PDE3A: variants seen among roughly 807,000 people sequenced by gnomAD.
PDE3A encodes the protein cGMP-inhibited 3',5'-cyclic phosphodiesterase 3A.
A neutral mutation model predicts 98.3 loss-of-function variants in PDE3A; 43 were observed. The ratio of observed to expected loss-of-function variants is 0.44; its 90% CI spans 0.34 to 0.56. PDE3A has a LOEUF of 0.56. Among genes scored for constraint, PDE3A ranks in the 20% least tolerant of loss-of-function variants. PDE3A has a pLI of 0.01. For missense variants in PDE3A, 1,427 were observed against 1,440.7 expected (o/e 0.99, Z 0.15); for synonymous variants, 663 against 567.9 (o/e 1.17, Z -2.38).
chr12:20,654,112 G>C lies in PDE3A; in HGVS notation c.3091G>C (p.Asp1031His), dbSNP rs981183689. 1.1e-5 allele frequency: 18 copies of C among 1,614,064 alleles called. No individual in the cohort carries two copies. Among genetic ancestry groups the C allele is most frequent in the Non-Finnish European group, 1.5e-5 (18 of 1,179,944 alleles). The change falls in exon 15 of 16, where the codon GAT (aspartate) becomes CAT (histidine). Residue 1031 changes from aspartate (D) to histidine (H), a missense_variant. Asp to His is a moderately conservative substitution (Grantham distance 81, BLOSUM62 -1). Transcript: ENST00000359062. ...GCCTGGAAAATGGGTGGAAGACAGC[G>C]ATGAGTCAGGAGATACTGATGACCC... ...LMPGKWVEDS[D>H]ESGDTDDPEE... is the part of the protein sequence containing the mutation.
chr12:20,600,283 T>C (rs1224768514), intron 2 of PDE3A, among the ~76,000 whole-genome samples: 2 of 152,168 alleles, frequency 1.3e-5, no homozygotes, highest in Non-Finnish European at 2.9e-5. Context: ...TCCAAACTGA[T>C]TCCTTCTCTT....
chr12:20,657,424 A>G (rs1263477726), intron 15 of PDE3A, among the ~76,000 whole-genome samples: 1 of 152,192 alleles, frequency 6.6e-6, no homozygotes, highest in Non-Finnish European at 1.5e-5. Context: ...TCAGAAAAAA[A>G]TAAATATGCA....
At chr12:20,525,064 G>A (rs1216369334) in intron 1 of PDE3A, among the ~76,000 whole-genome samples, 5 of 152,068 alleles carry the variant, frequency 3.3e-5, no homozygotes, top group Non-Finnish European at 4.4e-5. Flanking sequence ...CCCAGGAGGC[G>A]GAGGTTGTGG....
At chr12:20,634,390 G>A (rs1432068338) in intron 7 of PDE3A, among the ~76,000 whole-genome samples, 2 of 152,050 alleles carry the variant, frequency 1.3e-5, no homozygotes, top group African/African-American at 2.4e-5. Flanking sequence ...CTGAAATGGC[G>A]ACAGTGAAGA....
chr12:20,448,751 G>GTTTTTTTTTTTTTTTTTTTTTTTTTT, intron 1 of PDE3A, among the ~76,000 whole-genome samples: 1 of 134,328 alleles, frequency 7.4e-6, no homozygotes. Context: ...TTTATTTTAA[G>GTTTTTTTTTTTTTTTTTTTTTTTTTT]GTTTTTTTTT....
intron 1 of PDE3A, among the ~76,000 whole-genome samples, chr12:20,454,342 A>G (rs1945118479): frequency 6.6e-6 from 1 of 152,020 alleles, no homozygotes; most frequent in African/African-American, 2.4e-5. Context: ...GTCTTTACCT[A>G]ACTGTATTTT....
intron 1 of PDE3A, among the ~76,000 whole-genome samples, chr12:20,520,268 A>T (rs966705940): frequency 6.6e-6 from 1 of 152,192 alleles, no homozygotes; most frequent in African/African-American, 2.4e-5. Context: ...TCTGTAAGTA[A>T]TGTGGAGCCC....
chr12:20,637,468 AGTAGGTG>A (rs1944543737), intron 9 of PDE3A, among the ~76,000 whole-genome samples: 1 of 149,194 alleles, frequency 6.7e-6, no homozygotes, highest in African/African-American at 2.4e-5. Flanking sequence ...TTAAAGACAA[AGTAGGTG>A]GGGATAGAGA....
chr12:20,424,485 A>G (rs972038630), intron 1 of PDE3A, among the ~76,000 whole-genome samples: 2 of 152,188 alleles, frequency 1.3e-5, no homozygotes, highest in Non-Finnish European at 2.9e-5. Flanking sequence ...ATTTAAACAT[A>G]TGTTCAGGAT....
intron 1 of PDE3A, among the ~76,000 whole-genome samples, chr12:20,542,740 G>T (rs146330258): frequency 2.1e-4 from 32 of 151,980 alleles, no homozygotes; most frequent in Non-Finnish European, 3.4e-4. Flanking sequence ...ATTTTCCCTA[G>T]GATTTCCAAT....
chr12:20,635,587 AAAAAG>A lies in PDE3A; in HGVS notation c.2001+535_2001+539del, dbSNP rs1289356336. Among the ~76,000 whole-genome samples the A allele has an allele frequency of 2.1e-3, 318 of 149,866 alleles. 4 individuals are homozygous for A. The highest frequency in any genetic ancestry group is 7.4e-3 in the African/African-American group (305 of 41,022). ...AGGGAGACTCTGTCTCAAAAAAAAAAAAAAGAAAGAAAGAAATTACCCAGGCATGG... is the reference window on the plus strand; with the variant it reads ...AGGGAGACTCTGTCTCAAAAAAAAAAAAAGAAAGAAATTACCCAGGCATGG... On this transcript the variant is annotated intron_variant, in intron 8 of 15. Transcript: ENST00000359062.
At chr12:20,638,528 T>C (rs1027117805) in intron 9 of PDE3A, among the ~76,000 whole-genome samples, 2 of 152,150 alleles carry the variant, frequency 1.3e-5, no homozygotes, top group Non-Finnish European at 2.9e-5. Flanking sequence ...TCTCTTACAC[T>C]AGCTGATCTT....
rs372379306 is a variant in PDE3A, at chr12:20,537,755, A to G, written c.961-18905A>G. ...TCTTTTTCCCTGAAACAGCTATTAA[A>G]CCCAAGTTCTGTAATATATACTTCA... On this transcript the variant is annotated intron_variant, in intron 1 of 15. Coordinates refer to ENST00000359062, the MANE Select transcript of PDE3A (RefSeq NM_000921.5). Among the ~76,000 whole-genome samples the G allele has an allele frequency of 1.1e-4, 17 of 152,062 alleles. 1 individual carries two copies. Among genetic ancestry groups the G allele is most frequent in the Admixed American group, 7.2e-4 (11 of 15,274 alleles).
intron 2 of PDE3A, among the ~76,000 whole-genome samples, chr12:20,602,178 C>T (rs1592099684): frequency 6.6e-6 from 1 of 152,246 alleles, no homozygotes; most frequent in African/African-American, 2.4e-5. Context: ...TTTGTGTGAG[C>T]AGTCACATGA....
intron 2 of PDE3A, among the ~76,000 whole-genome samples, chr12:20,604,306 T>TCTAA (rs1943662512): frequency 6.6e-6 from 1 of 152,086 alleles, no homozygotes; most frequent in Admixed American, 6.6e-5. Flanking sequence ...ACAGAAGCAG[T>TCTAA]CTAACTTCGG....
rs1447257901 is a variant in PDE3A, at chr12:20,616,521, G to A, written c.1424+137G>A. 6 of 732,320 alleles carry A rather than the reference G, an allele frequency of 8.2e-6. No homozygotes were observed. The African/African-American group carries it at 1.1e-4, about 13-fold the overall frequency. The allele number at this position is 732,320 out of a possible 1,614,324, so 45.4% of individuals were successfully genotyped here. On this transcript the variant is annotated intron_variant, in intron 4 of 15. Coordinates refer to ENST00000359062, the MANE Select transcript of PDE3A (RefSeq NM_000921.5). ...GCTTTGAAGATGGAAAGGGTACATG[G>A]TTCAAATGCAGAGCAGTATAGGGGT...
chr12:20,434,752 A>G (rs1452940159), intron 1 of PDE3A, among the ~76,000 whole-genome samples: 2 of 152,200 alleles, frequency 1.3e-5, no homozygotes, highest in African/African-American at 4.8e-5. Context: ...ATAGACTTGA[A>G]AACAGTATGA....
intron 1 of PDE3A, among the ~76,000 whole-genome samples, chr12:20,420,532 G>GCCAA: frequency 6.6e-6 from 1 of 152,068 alleles, no homozygotes; most frequent in African/African-American, 2.4e-5. Flanking sequence ...AGTTAAGTTG[G>GCCAA]GGCAGGAAGT....
intron 1 of PDE3A, among the ~76,000 whole-genome samples, chr12:20,386,244 ATATATTAAT>A (rs1374006623): frequency 3.8e-5 from 5 of 130,248 alleles, no homozygotes; most frequent in Admixed American, 3.6e-4. Flanking sequence ...ATAAATATAA[ATATATTAAT>A]TATATTAATA....
Sources: gnomAD v4.1 joint callset for allele counts (sites outside exome capture counted in the v4.1 genomes callset) on GRCh38, gnomAD v4.1.1 for gene constraint, MANE v1.5 for transcripts, NCBI Gene and HGNC (gene_info 2026-07-23, HGNC 2026-07-21) for gene names.